The following RAB28 variants were observed in gnomAD, a reference collection of about 807,000 sequenced individuals.
The protein encoded by RAB28 is RAB28, member RAS oncogene family, also known as ras-related protein Rab-28.
In RAB28, 24 loss-of-function variants were observed where a neutral mutation model predicts 31.7. That is an observed-to-expected ratio of 0.76 (90% CI 0.55 to 1.06). The LOEUF (loss-of-function observed/expected upper bound fraction) is 1.06. Ranked by LOEUF, RAB28 falls within the 50% of genes least tolerant of loss-of-function variation. RAB28 has a pLI of 0.00. For synonymous variants in RAB28, 100 were observed against 90.4 expected, an observed-to-expected ratio of 1.11 and a Z score of -0.60; for missense variants, 254 against 258.5, an observed-to-expected ratio of 0.98 and a Z score of 0.12.
At chr4:13,397,726 T>C (rs985596150) in intron 4 of RAB28, among the ~76,000 whole-genome samples, 1 of 152,162 alleles carries the variant, frequency 6.6e-6, no homozygotes, top group South Asian at 2.1e-4. Context: ...AAACATGTCA[T>C]GAAACTTGCG....
chr4:13,417,359 C>G (rs1712843178), intron 4 of RAB28, among the ~76,000 whole-genome samples: 1 of 152,192 alleles, frequency 6.6e-6, no homozygotes, highest in South Asian at 2.1e-4. Context: ...ACTTAAAGGT[C>G]CCTGTCTGAC....
chr4:13,432,227 G>T (rs1226677826), intron 4 of RAB28, among the ~76,000 whole-genome samples: 1 of 151,866 alleles, frequency 6.6e-6, no homozygotes, highest in Non-Finnish European at 1.5e-5. Flanking sequence ...AATTAACCCA[G>T]TCACACAAAA....
In RAB28 at chr4:13,369,884, C is replaced by T. The variant is rs762588284; in HGVS notation, c.574-1234G>A. 4.3e-6 allele frequency: 7 copies of T among 1,611,418 alleles called. No individual in the cohort carries two copies. The highest frequency in any genetic ancestry group is 2.7e-5 in the African/African-American group (2 of 74,770). On this transcript the variant is annotated intron_variant, in intron 6 of 6. Transcript: ENST00000330852. ...ATCACTTAATACCTGCACTACTGTA[C>T]TGAACAGATTCTACTCTGAGTAGAG...
chr4:13,412,271 AAG>A (rs1288474234), intron 4 of RAB28, among the ~76,000 whole-genome samples: 2 of 150,860 alleles, frequency 1.3e-5, no homozygotes, highest in East Asian at 2.0e-4. Context: ...CAGGTGGCGC[AAG>A]AGTTTCCCTA....
rs1254950547 is a variant in RAB28 at position 13,369,954 on chromosome 4, C to T, written c.574-1304G>A. ...CTTCCGGGTACTTCACTATTTCTGC[C>T]CTGACAATACGCTGTCAATTCCATA... On this transcript the variant is annotated intron_variant, in intron 6 of 6. Coordinates refer to ENST00000330852, the MANE Select transcript of RAB28 (RefSeq NM_001017979.3). The T allele has an allele frequency of 6.2e-7, 1 of 1,611,048 alleles. No individual in the cohort carries two copies. Among genetic ancestry groups the T allele is most frequent in the Admixed American group, 1.7e-5 (1 of 59,832 alleles).
intron 6 of RAB28, among the ~76,000 whole-genome samples, 175 bp from the exon 7 acceptor site, chr4:13,368,825 T>TTG (rs899382194): frequency 2.0e-5 from 3 of 152,062 alleles, no homozygotes; most frequent in African/African-American, 4.8e-5. Flanking sequence ...AGTGGATTTT[T>TTG]TTTTTTCAAG....
At chr4:13,425,717 CTT>C (rs1713443026) in intron 4 of RAB28, among the ~76,000 whole-genome samples, 2 of 152,124 alleles carry the variant, frequency 1.3e-5, no homozygotes, top group South Asian at 4.1e-4. Context: ...CCCTGGCAGT[CTT>C]GTTCTGTTTT....
intron 4 of RAB28, among the ~76,000 whole-genome samples, chr4:13,415,913 CTG>C (rs945653674): frequency 3.9e-5 from 6 of 152,234 alleles, no homozygotes; most frequent in Non-Finnish European, 8.8e-5. Flanking sequence ...AATCGGCACT[CTG>C]TATCTAGCTC....
chr4:13,390,231 A>G (rs11930557), intron 4 of RAB28, among the ~76,000 whole-genome samples: 14,281 of 152,138 alleles, frequency 0.094, 1,323 homozygotes, highest in African/African-American at 0.24. Context: ...AAATCAATGT[A>G]CAAAAATCAC....
chr4:13,456,649 T>G (rs932936820), intron 4 of RAB28, among the ~76,000 whole-genome samples: 1 of 151,566 alleles, frequency 6.6e-6, no homozygotes, highest in Non-Finnish European at 1.5e-5. Flanking sequence ...ATTTAATACT[T>G]AAATAGTAAA....
chr4:13,407,540 T>C (rs1712171110), intron 4 of RAB28, among the ~76,000 whole-genome samples: 2 of 152,230 alleles, frequency 1.3e-5, no homozygotes, highest in Admixed American at 6.5e-5. Flanking sequence ...TCTAATTCTG[T>C]GAAGAAAGTC....
Position 13,474,351 on chromosome 4 carries a change from G to A in RAB28, c.228C>T (p.Gly76=). The change falls in exon 3 of 7, where the codon GGC becomes GGT. Residue 76 remains glycine, a synonymous_variant. Coordinates refer to ENST00000330852, the MANE Select transcript of RAB28 (RefSeq NM_001017979.3). ...CATAGATATATTTATCCAACATTTTGCCTCCTATTGTCTGCCCTCCTATAT... is the reference window on the plus strand; with the variant it reads ...CATAGATATATTTATCCAACATTTTACCTCCTATTGTCTGCCCTCCTATAT... ...IWDIGGQTIG[G]KMLDKYIYGA... is the part of the protein sequence containing the mutation. 6.3e-7 allele frequency: 1 copy of A among 1,596,958 alleles called. No individual in the cohort carries two copies. The highest frequency in any genetic ancestry group is 1.3e-5 in the African/African-American group (1 of 74,418).
intron 6 of RAB28, among the ~76,000 whole-genome samples, chr4:13,368,865 T>TC (rs1728613791): frequency 6.6e-6 from 1 of 151,858 alleles, no homozygotes; most frequent in African/African-American, 2.4e-5. Context: ...TACTGAGTTG[T>TC]CCCTGGTTTT....
chr4:13,394,023 T>C (rs1229263921), intron 4 of RAB28, among the ~76,000 whole-genome samples: 1 of 152,120 alleles, frequency 6.6e-6, no homozygotes, highest in African/African-American at 2.4e-5. Context: ...CTCACATTAA[T>C]GAGGTAGAAA....
chr4:13,457,265 A>G (rs1351208610), intron 4 of RAB28, among the ~76,000 whole-genome samples: 1 of 152,172 alleles, frequency 6.6e-6, no homozygotes, highest in Non-Finnish European at 1.5e-5. Context: ...ATTGCCTTTT[A>G]ATATAATTAT....
chr4:13,380,186 G>C (rs1288460981), intron 5 of RAB28, among the ~76,000 whole-genome samples: 3 of 151,978 alleles, frequency 2.0e-5, no homozygotes, highest in Non-Finnish European at 4.4e-5. Flanking sequence ...TGTCTGAGGG[G>C]AAAGGATTCC....
chr4:13,389,730 G>A (rs775824528), intron 4 of RAB28, among the ~76,000 whole-genome samples: 7 of 151,852 alleles, frequency 4.6e-5, no homozygotes, highest in Admixed American at 3.9e-4. Flanking sequence ...ATTTCATTGA[G>A]GTTTACAGCT....
At chr4:13,382,289 A>G (rs1729163520) in intron 4 of RAB28, among the ~76,000 whole-genome samples, 1 of 152,150 alleles carries the variant, frequency 6.6e-6, no homozygotes, top group Non-Finnish European at 1.5e-5. Context: ...TATTTTTCCA[A>G]ATGTGATCCT....
chr4:13,462,861 A>T (rs1715664257), intron 3 of RAB28, among the ~76,000 whole-genome samples: 1 of 152,142 alleles, frequency 6.6e-6, no homozygotes, highest in Non-Finnish European at 1.5e-5. Context: ...CCCAGAACTG[A>T]TATCTGAAGA....
Sources: allele counts gnomAD v4.1 joint callset (sites outside exome capture counted in the v4.1 genomes callset), GRCh38; gene constraint gnomAD v4.1.1; transcripts MANE v1.5; gene names NCBI Gene and HGNC (gene_info 2026-07-23, HGNC 2026-07-21).